Variants in KRABD3 observed in about 807,000 individuals in gnomAD.
KRABD3 encodes KRAB domain-containing protein 3.
the KRABD3 span, among the ~76,000 whole-genome samples, chr7:149,726,319 G>A: frequency 6.6e-6 from 1 of 152,180 alleles, no homozygotes; most frequent in African/African-American, 2.4e-5. Context: ...TTTTTGGGCT[G>A]GGCACAGTGG....
chr7:149,734,274 T>G, the KRABD3 span: 10 of 585,356 alleles, frequency 1.7e-5, no homozygotes, highest in African/African-American at 1.7e-4. Flanking sequence ...TGGCTCAGAT[T>G]CAATCAAATG....
At chr7:149,730,012 A>T in the KRABD3 span, 1 of 1,333,030 alleles carries the variant, frequency 7.5e-7, no homozygotes, top group Non-Finnish European at 9.6e-7. Flanking sequence ...AGAGGCAGCC[A>T]TTTAGGGTCC....
the KRABD3 span, chr7:149,730,465 T>A: frequency 6.2e-7 from 1 of 1,604,372 alleles, no homozygotes; most frequent in Non-Finnish European, 8.5e-7. Flanking sequence ...CTCCTGTCCC[T>A]CTGTCCCCAT....
chr7:149,727,575 AT>A, the KRABD3 span, among the ~76,000 whole-genome samples: 8 of 152,234 alleles, frequency 5.3e-5, no homozygotes, highest in Non-Finnish European at 1.0e-4. Context: ...TGTCGTCAGC[AT>A]TTGTCTTTGA....
the KRABD3 span, chr7:149,723,008 A>T: frequency 3.0e-3 from 4,087 of 1,376,628 alleles, 7 homozygotes; most frequent in Non-Finnish European, 3.6e-3. Context: ...TTGCATTTCA[A>T]CAGCGATTCC....
At chr7:149,723,904 C>A in the KRABD3 span, 7,178 of 1,611,794 alleles carry the variant, frequency 4.5e-3, 168 homozygotes, top group African/African-American at 0.052. Context: ...AGGCTTCTCG[C>A]TGGGCTGGGA....
chr7:149,720,132 G>T, the KRABD3 span: 2 of 1,551,418 alleles, frequency 1.3e-6, no homozygotes, highest in African/African-American at 1.4e-5. Flanking sequence ...CCCAGGGTAA[G>T]TTATCTGTCA....
At chr7:149,724,471 G>A in the KRABD3 span, among the ~76,000 whole-genome samples, 4 of 152,194 alleles carry the variant, frequency 2.6e-5, no homozygotes, top group Non-Finnish European at 4.4e-5. Context: ...GCCATGGTAG[G>A]GGAGGAGGCG....
At chr7:149,714,965 G>T in the KRABD3 span, 3 of 1,104,480 alleles carry the variant, frequency 2.7e-6, no homozygotes, top group Admixed American at 4.5e-5. Flanking sequence ...TCTCCTGCGC[G>T]GACCTGGGCC....
chr7:149,729,637 C>T, the KRABD3 span: 9 of 985,326 alleles, frequency 9.1e-6, no homozygotes, highest in Non-Finnish European at 9.6e-6. Context: ...TGAGGGGGCT[C>T]CCGCCGTCCA....
the KRABD3 span, among the ~76,000 whole-genome samples, chr7:149,720,351 C>T: frequency 1.3e-5 from 2 of 152,178 alleles, no homozygotes; most frequent in Non-Finnish European, 2.9e-5. Context: ...CTGCCTCAGG[C>T]CCCCCACCCA....
the KRABD3 span, among the ~76,000 whole-genome samples, chr7:149,715,813 G>C: frequency 1.3e-5 from 2 of 152,152 alleles, no homozygotes; most frequent in African/African-American, 4.8e-5. Flanking sequence ...TAGGCAAATT[G>C]GATGTTGTTG....
the KRABD3 span, among the ~76,000 whole-genome samples, chr7:149,716,344 G>A: frequency 6.6e-6 from 1 of 152,236 alleles, no homozygotes; most frequent in East Asian, 1.9e-4. Flanking sequence ...AGAGTCCTGG[G>A]TCAGCCCAGA....
the KRABD3 span, chr7:149,730,636 C>CT: frequency 1.3e-6 from 2 of 1,547,388 alleles, no homozygotes; most frequent in Non-Finnish European, 1.7e-6. Context: ...AGACTGGATC[C>CT]TTTGAGTCCT....
the KRABD3 span, chr7:149,733,249 G>T: frequency 9.3e-6 from 15 of 1,611,634 alleles, no homozygotes; most frequent in South Asian, 1.6e-4. Context: ...CGCCTGAGCT[G>T]CCCAGTGAGT....
chr7:149,724,924 C>T, the KRABD3 span: 1 of 1,283,916 alleles, frequency 7.8e-7, no homozygotes, highest in Non-Finnish European at 1.0e-6. Context: ...CCACTAACCC[C>T]AGGGAAGCAG....
the KRABD3 span, among the ~76,000 whole-genome samples, chr7:149,718,349 A>G: frequency 1.3e-5 from 2 of 152,172 alleles, no homozygotes; most frequent in African/African-American, 4.8e-5. Context: ...GTTCTCACAA[A>G]TAAACAGTTT....
At chr7:149,721,322 C>T in the KRABD3 span, 1 of 1,525,224 alleles carries the variant, frequency 6.6e-7, no homozygotes, top group Non-Finnish European at 8.8e-7. Flanking sequence ...CAGAATGTGA[C>T]AGTGTGACAA....
chr7:149,720,861 C>G, the KRABD3 span: 11 of 1,601,228 alleles, frequency 6.9e-6, no homozygotes, highest in African/African-American at 1.3e-5. Flanking sequence ...CAGCCTGCAC[C>G]TCACAGCCCT....
Sources: gnomAD v4.1 joint callset for allele counts (sites outside exome capture counted in the v4.1 genomes callset) on GRCh38, gnomAD v4.1.1 for gene constraint, MANE v1.5 for transcripts, NCBI Gene and HGNC (gene_info 2026-07-23, HGNC 2026-07-21) for gene names.